The following SLC68A1 variants were observed in gnomAD, a reference collection of about 807,000 sequenced individuals.
SLC68A1 encodes solute carrier family 68 member 1.
chr10:102,475,250 C>G, the SLC68A1 span, among the ~76,000 whole-genome samples: 1 of 151,620 alleles, frequency 6.6e-6, no homozygotes, highest in East Asian at 2.0e-4. Flanking sequence ...GAGTGGAGAT[C>G]GTGCTACTTC....
At chr10:102,471,227 ACT>A in the SLC68A1 span, 1 of 1,602,038 alleles carries the variant, frequency 6.2e-7, no homozygotes, top group African/African-American at 1.3e-5. Context: ...TTGGGGGATA[ACT>A]CTGGCCAGCC....
At chr10:102,467,642 AG>A in the SLC68A1 span, among the ~76,000 whole-genome samples, 1 of 148,048 alleles carries the variant, frequency 6.8e-6, no homozygotes. Context: ...GGGGACTTGC[AG>A]GCTTACAGTG....
At chr10:102,466,711 G>A in the SLC68A1 span, among the ~76,000 whole-genome samples, 1 of 152,066 alleles carries the variant, frequency 6.6e-6, no homozygotes, top group African/African-American at 2.4e-5. Flanking sequence ...GGGAGGCTGG[G>A]GACCTTGTGT....
the SLC68A1 span, chr10:102,473,671 C>G: frequency 1.2e-6 from 2 of 1,614,176 alleles, no homozygotes; most frequent in Non-Finnish European, 8.5e-7. Context: ...CCTGCTCAAG[C>G]TGGGACTTAG....
the SLC68A1 span, chr10:102,468,966 G>C: frequency 2.0e-6 from 3 of 1,468,142 alleles, no homozygotes; most frequent in Non-Finnish European, 1.8e-6. Context: ...GACGAGGATG[G>C]GAAGACCGCC....
At chr10:102,469,348 C>A in the SLC68A1 span, 1 of 734,966 alleles carries the variant, frequency 1.4e-6, no homozygotes, top group Non-Finnish European at 2.3e-6. Flanking sequence ...TCAAGAAAAG[C>A]TGTGGAGGCC....
the SLC68A1 span, chr10:102,476,052 G>T: frequency 0.2 from 148,353 of 734,870 alleles, 18,043 homozygotes; most frequent in East Asian, 0.59. Context: ...GTTTTTTTTG[G>T]TTTTTTTTTT....
chr10:102,474,943 C>A, the SLC68A1 span, among the ~76,000 whole-genome samples: 2 of 151,796 alleles, frequency 1.3e-5, no homozygotes, highest in Non-Finnish European at 2.9e-5. Context: ...CCACCACGCC[C>A]GGCCAGGGAG....
At chr10:102,469,972 CTGTCTCCCCTCTGCCTGCAGACAG>C in the SLC68A1 span, 5 of 1,612,038 alleles carry the variant, frequency 3.1e-6, no homozygotes, top group Admixed American at 1.7e-5. Flanking sequence ...GCCCACCTTC[CTGTCTCCCCTCTGCCTGCAGACAG>C]TGTTTCTCCT....
chr10:102,475,333 A>G, the SLC68A1 span, among the ~76,000 whole-genome samples: 2 of 149,616 alleles, frequency 1.3e-5, no homozygotes, highest in African/African-American at 4.9e-5. Flanking sequence ...TGCCATATGG[A>G]CAGCAGATCA....
chr10:102,464,255 A>C, the SLC68A1 span, among the ~76,000 whole-genome samples: 1 of 152,152 alleles, frequency 6.6e-6, no homozygotes, highest in Non-Finnish European at 1.5e-5. Flanking sequence ...GTTCAAGACC[A>C]GCCTGGCCAA....
chr10:102,470,670 G>A, the SLC68A1 span: 6 of 1,607,408 alleles, frequency 3.7e-6, no homozygotes, highest in South Asian at 6.6e-5. Flanking sequence ...GGCAGGTCAG[G>A]CGCCGGGCTC....
chr10:102,467,707 A>G, the SLC68A1 span, among the ~76,000 whole-genome samples: 1 of 152,008 alleles, frequency 6.6e-6, no homozygotes, highest in Admixed American at 6.6e-5. Context: ...CCCAGGCTAG[A>G]GTGCGTTGGC....
the SLC68A1 span, among the ~76,000 whole-genome samples, chr10:102,464,680 C>T: frequency 1.3e-5 from 2 of 148,428 alleles, no homozygotes; most frequent in African/African-American, 2.5e-5. Context: ...ATCCCAGCTA[C>T]TCGGGTGGCT....
At chr10:102,469,336 C>G in the SLC68A1 span, 1 of 809,958 alleles carries the variant, frequency 1.2e-6, no homozygotes, top group African/African-American at 1.7e-5. Flanking sequence ...CACCAAGACT[C>G]ATCAAGAAAA....
At chr10:102,475,025 C>CT in the SLC68A1 span, among the ~76,000 whole-genome samples, 2 of 72,822 alleles carry the variant, frequency 2.7e-5, no homozygotes, top group African/African-American at 8.3e-5. Context: ...GGTGAGGTGG[C>CT]TCACACCTGT....
At chr10:102,470,593 G>A in the SLC68A1 span, 1 of 1,554,754 alleles carries the variant, frequency 6.4e-7, no homozygotes, top group Non-Finnish European at 8.7e-7. Flanking sequence ...CTCCCCTGGG[G>A]CCTGGGCAAG....
chr10:102,475,879 C>T, the SLC68A1 span: 3 of 1,613,880 alleles, frequency 1.9e-6, no homozygotes, highest in Non-Finnish European at 1.7e-6. Flanking sequence ...TGCTGCAGCT[C>T]TTCACCTGGT....
chr10:102,468,685 T>A, the SLC68A1 span: 1 of 190,292 alleles, frequency 5.3e-6, no homozygotes, highest in Non-Finnish European at 1.1e-5. Flanking sequence ...AAAAAAGACA[T>A]CGAGCATCCA....
Sources: gnomAD v4.1 joint callset for allele counts (sites outside exome capture counted in the v4.1 genomes callset) on GRCh38, gnomAD v4.1.1 for gene constraint, MANE v1.5 for transcripts, NCBI Gene and HGNC (gene_info 2026-07-23, HGNC 2026-07-21) for gene names.